The following DISC1 variants were observed in gnomAD, a reference collection of about 807,000 sequenced individuals.
DISC1 encodes disrupted in schizophrenia 1 protein.
Under a neutral mutation model 84.5 loss-of-function variants are expected in DISC1, and 57 were observed. The observed-to-expected ratio is 0.67, with a 90% CI of 0.55 to 0.84. DISC1 has a LOEUF of 0.84. Ranked by LOEUF, DISC1 falls within the 40% of genes least tolerant of loss-of-function variation. The pLI is 0.00. For synonymous variants in DISC1, 411 were observed against 415.2 expected (o/e 0.99, Z 0.12); for missense variants, 1,000 against 1,057.8 (o/e 0.95, Z 0.76).
At chr1:231,738,213 G>A (rs1366816588) in intron 3 of DISC1, among the ~76,000 whole-genome samples, 1 of 152,188 alleles carries the variant, frequency 6.6e-6, no homozygotes, top group Non-Finnish European at 1.5e-5. Flanking sequence ...CCAACCTGCA[G>A]CTTCCTCCAA....
chr1:231,761,982 G>A (rs985557617), intron 4 of DISC1, among the ~76,000 whole-genome samples: 1 of 152,064 alleles, frequency 6.6e-6, no homozygotes, highest in Non-Finnish European at 1.5e-5. Context: ...AGTGCGTTTC[G>A]TTCCCACCGA....
intron 10 of DISC1, among the ~76,000 whole-genome samples, chr1:231,991,824 T>G (rs558468813): frequency 6.6e-6 from 1 of 152,334 alleles, no homozygotes; most frequent in South Asian, 2.1e-4. Context: ...CAGTTTTAAG[T>G]GCATCCTTCC....
At chr1:231,995,561 A>G (rs1253524188) in intron 10 of DISC1, among the ~76,000 whole-genome samples, 10 of 151,870 alleles carry the variant, frequency 6.6e-5, no homozygotes, top group African/African-American at 2.2e-4. Flanking sequence ...TCATTGTTCA[A>G]TTCCCACCTA....
At chr1:231,661,469 T>A (rs773374615) in intron 1 of DISC1, among the ~76,000 whole-genome samples, 19 of 152,342 alleles carry the variant, frequency 1.2e-4, no homozygotes, top group Admixed American at 3.9e-4. Context: ...TATTCTTGTC[T>A]GCCTGTCTTA....
chr1:231,766,542 T>A (rs1439471501), intron 4 of DISC1, among the ~76,000 whole-genome samples: 1 of 152,082 alleles, frequency 6.6e-6, no homozygotes, highest in Admixed American at 6.6e-5. Flanking sequence ...ACTCAAACAG[T>A]AGTGCAAAGC....
intron 8 of DISC1, among the ~76,000 whole-genome samples, chr1:231,803,017 T>TA (rs796498062): frequency 3.3e-5 from 5 of 152,284 alleles, no homozygotes; most frequent in African/African-American, 1.2e-4. Context: ...TGCTGCCTAA[T>TA]AAAAAATAAG....
At chr1:231,875,474 A>G (rs1009194774) in intron 9 of DISC1, among the ~76,000 whole-genome samples, 2 of 152,170 alleles carry the variant, frequency 1.3e-5, no homozygotes, top group Non-Finnish European at 2.9e-5. Context: ...GTTTGAAATC[A>G]TGAGCAGTAT....
At chr1:232,000,996 C>T (rs1240143328) in intron 10 of DISC1, among the ~76,000 whole-genome samples, 1 of 152,088 alleles carries the variant, frequency 6.6e-6, no homozygotes, top group African/African-American at 2.4e-5. Context: ...AGTAGAATAT[C>T]CTTTACCTCA....
At chr1:231,909,916 T>C (rs2089041025) in intron 9 of DISC1, among the ~76,000 whole-genome samples, 1 of 152,236 alleles carries the variant, frequency 6.6e-6, no homozygotes, top group Non-Finnish European at 1.5e-5. Flanking sequence ...AGGATGTATG[T>C]GTCCAGGAAT....
At chr1:231,765,907 G>T (rs1210974332) in intron 4 of DISC1, among the ~76,000 whole-genome samples, 2 of 151,884 alleles carry the variant, frequency 1.3e-5, no homozygotes, top group East Asian at 1.9e-4. Context: ...CTGGAATTTG[G>T]CCCTGTTTGG....
chr1:231,833,589 C>T (rs1204662299), intron 9 of DISC1, among the ~76,000 whole-genome samples: 2 of 150,554 alleles, frequency 1.3e-5, no homozygotes, highest in Non-Finnish European at 2.9e-5. Context: ...TCAGTGGAGT[C>T]CCGCACAGAT....
chr1:231,820,583 C>T (rs1452586084), intron 9 of DISC1, among the ~76,000 whole-genome samples: 2 of 152,150 alleles, frequency 1.3e-5, no homozygotes, highest in African/African-American at 4.8e-5. Context: ...ATCAAGCCAC[C>T]CTGCTTGTCA....
intron 3 of DISC1, among the ~76,000 whole-genome samples, chr1:231,717,905 C>A (rs1258825690): frequency 6.6e-6 from 1 of 152,134 alleles, no homozygotes; most frequent in Non-Finnish European, 1.5e-5. Flanking sequence ...AATGTCCAAA[C>A]TAAGATCTAA....
At chr1:231,959,122 GGA>G (rs1439737856) in intron 10 of DISC1, 3 of 1,219,412 alleles carry the variant, frequency 2.5e-6, no homozygotes, top group African/African-American at 3.2e-5. Flanking sequence ...AGAGATCACA[GGA>G]GAGTTTTCAT....
At chr1:231,922,416 C>A (rs909221903) in intron 9 of DISC1, among the ~76,000 whole-genome samples, 1 of 152,156 alleles carries the variant, frequency 6.6e-6, no homozygotes, top group African/African-American at 2.4e-5. Flanking sequence ...ACTGAGCCCA[C>A]GAAGCTTGTC....
At chr1:231,868,692 T>TTATATATATATATATA (rs58636016) in intron 9 of DISC1, among the ~76,000 whole-genome samples, 140 of 108,820 alleles carry the variant, frequency 1.3e-3, no homozygotes, top group Middle Eastern at 5.0e-3. Context: ...ACCCCATCTC[T>TTATATATATATATATA]TATATATATA....
chr1:231,829,712 G>T (rs1203856901), intron 9 of DISC1, among the ~76,000 whole-genome samples: 1 of 152,198 alleles, frequency 6.6e-6, no homozygotes, highest in East Asian at 1.9e-4. Context: ...CAGGCTTTGT[G>T]TGAGCAACGA....
chr1:231,830,203 C>T (rs947546034), intron 9 of DISC1, among the ~76,000 whole-genome samples: 12 of 152,068 alleles, frequency 7.9e-5, no homozygotes, highest in Non-Finnish European at 1.5e-4. Context: ...AGGGCTGCTT[C>T]GAGCGGGATT....
At chr1:231,843,325 T>C (rs2083215995) in intron 9 of DISC1, among the ~76,000 whole-genome samples, 1 of 152,040 alleles carries the variant, frequency 6.6e-6, no homozygotes, top group African/African-American at 2.4e-5. Context: ...TGGGGAGAGC[T>C]TCAGCTCCAG....
Sources: allele counts gnomAD v4.1 joint callset (sites outside exome capture counted in the v4.1 genomes callset), GRCh38; gene constraint gnomAD v4.1.1; transcripts MANE v1.5; gene names NCBI Gene and HGNC (gene_info 2026-07-23, HGNC 2026-07-21).